Variants in MAP4K4 observed in about 807,000 individuals in gnomAD.
The protein encoded by MAP4K4 is mitogen-activated protein kinase kinase kinase kinase 4, also known as HPK/GCK-like kinase HGK.
In MAP4K4, 38 loss-of-function variants were observed where a neutral mutation model predicts 189.6. The ratio of observed to expected loss-of-function variants is 0.20; its 90% CI spans 0.15 to 0.26. MAP4K4 has a LOEUF of 0.26. MAP4K4 is among the 10% of genes least tolerant of loss of function. The pLI is 1.00. For missense variants in MAP4K4, 1,054 were observed against 1,726.9 expected (o/e 0.61, Z 6.91); for synonymous variants, 610 against 624.3 (o/e 0.98, Z 0.34).
At chr2:101,886,973 C>T (rs1053009579) in intron 29 of MAP4K4, 115 bp from the exon 30 acceptor site, 40 of 703,682 alleles carry the variant, frequency 5.7e-5, no homozygotes, top group Middle Eastern at 4.2e-4. Context: ...TGCAGTGAGC[C>T]GAGATGGCGC....
At chr2:101,727,219 T>C (rs1238916971) in intron 2 of MAP4K4, among the ~76,000 whole-genome samples, 1 of 152,204 alleles carries the variant, frequency 6.6e-6, no homozygotes, top group East Asian at 1.9e-4. Flanking sequence ...TTTTCTAACA[T>C]GTTTGGATGG....
intron 3 of MAP4K4, among the ~76,000 whole-genome samples, chr2:101,805,483 A>G (rs143866991): frequency 6.6e-6 from 1 of 152,206 alleles, no homozygotes; most frequent in South Asian, 2.1e-4. Flanking sequence ...GTGTCCCACT[A>G]ACATCCAAGT....
chr2:101,732,028 G>A (rs1211606282), intron 2 of MAP4K4, among the ~76,000 whole-genome samples: 2 of 152,100 alleles, frequency 1.3e-5, no homozygotes, highest in African/African-American at 4.8e-5. Context: ...TTCAGAATTG[G>A]GGAGGTGAAG....
At chr2:101,871,119 G>A (rs1270700894) in intron 23 of MAP4K4, among the ~76,000 whole-genome samples, 2 of 152,092 alleles carry the variant, frequency 1.3e-5, no homozygotes, top group Non-Finnish European at 2.9e-5. Flanking sequence ...GCATTCGGAT[G>A]GAAAGTAGGA....
chr2:101,894,012 A>AT (rs2098599218), exon 33 of MAP4K4: 1 of 152,148 alleles, frequency 6.6e-6, no homozygotes, highest in Non-Finnish European at 1.5e-5. Context: ...TGTCAACCAG[A>AT]TTGAGTTGCT....
chr2:101,874,265 C>T lies in MAP4K4; in HGVS notation c.3241+13C>T. ...GCTGCCTTATGGGGTAGGTGTCTAG[C>T]CACTACTCCAACACTTTCATTTTTG... On this transcript the variant is annotated intron_variant, in intron 26 of 32. Coordinates refer to ENST00000324219, the Ensembl canonical transcript of MAP4K4. 6.3e-7 allele frequency: 1 copy of T among 1,597,674 alleles called. No individual in the cohort carries two copies. The highest frequency in any genetic ancestry group is 8.5e-7 in the Non-Finnish European group (1 of 1,171,084).
chr2:101,863,825 A>G (rs1370805505), exon 17 of MAP4K4: 9 of 1,367,022 alleles, frequency 6.6e-6, no homozygotes, highest in African/African-American at 3.0e-5. Flanking sequence ...TGTAAGGTAC[A>G]GTGGTCCCAC....
intron 26 of MAP4K4, 86 bp from the exon 27 acceptor site, chr2:101,876,917 A>G (rs889374300): frequency 5.8e-6 from 8 of 1,384,154 alleles, no homozygotes; most frequent in Non-Finnish European, 7.0e-6. Flanking sequence ...ACTTTTTTCC[A>G]AATAGATGAT....
chr2:101,700,735 T>G (rs904949839), intron 2 of MAP4K4, among the ~76,000 whole-genome samples: 1 of 152,120 alleles, frequency 6.6e-6, no homozygotes, highest in Admixed American at 6.6e-5. Flanking sequence ...ATGTCATATA[T>G]TCACTATTAA....
chr2:101,817,782 G>GCGTT (rs1244770568), intron 3 of MAP4K4, among the ~76,000 whole-genome samples: 1 of 152,212 alleles, frequency 6.6e-6, no homozygotes, highest in Non-Finnish European at 1.5e-5. Flanking sequence ...GAAAGAGGAT[G>GCGTT]CGTTGCGTTT....
At chr2:101,843,354 A>G (rs2096978683) in intron 11 of MAP4K4, among the ~76,000 whole-genome samples, 1 of 152,182 alleles carries the variant, frequency 6.6e-6, no homozygotes, top group Admixed American at 6.5e-5. Flanking sequence ...CAGAGAGAAG[A>G]GAATTTATTG....
At chr2:101,728,095 C>T (rs2056549919) in intron 2 of MAP4K4, among the ~76,000 whole-genome samples, 1 of 152,218 alleles carries the variant, frequency 6.6e-6, no homozygotes, top group Admixed American at 6.5e-5. Flanking sequence ...ACCCAGGTTA[C>T]CTCTTTAAGT....
At chr2:101,767,367 A>AT (rs1040595924) in intron 2 of MAP4K4, among the ~76,000 whole-genome samples, 2 of 151,608 alleles carry the variant, frequency 1.3e-5, no homozygotes, top group Admixed American at 6.6e-5. Flanking sequence ...TTTTATTAGA[A>AT]TTTTTTTTTA....
chr2:101,724,120 A>G (rs2053864025), intron 2 of MAP4K4, among the ~76,000 whole-genome samples: 2 of 151,982 alleles, frequency 1.3e-5, no homozygotes, highest in Non-Finnish European at 2.9e-5. Context: ...ATACTTATGG[A>G]TGTGCTTTAG....
At chr2:101,809,209 A>G (rs559151470) in intron 3 of MAP4K4, among the ~76,000 whole-genome samples, 3 of 152,264 alleles carry the variant, frequency 2.0e-5, no homozygotes, top group South Asian at 2.1e-4. Context: ...TAGCGCGTAT[A>G]TATGTTATTT....
Position 101,698,131 on chromosome 2 carries a change from C to A in MAP4K4, c.51C>A (p.Ser17=), listed in dbSNP as rs375219171. ...GTCTGGTGGACATCGACCTCTCCTC[C>A]CTGCGGGTGAGTGGGCCCGCGAGCG... is the stretch of plus-strand genomic sequence containing the variant. The change falls in exon 1 of 33, where the codon TCC becomes TCA. Residue 17 remains serine (S), a synonymous_variant. Transcript: ENST00000324219. 1.0e-4 allele frequency: 127 copies of A among 1,242,012 alleles called. No homozygotes were observed. The African/African-American group carries it at 1.9e-3, about 19-fold the overall frequency. 76.9% of individuals were successfully genotyped at this position (1,242,012 alleles called of 1,614,324 possible).
chr2:101,871,054 G>A (rs1290981251), intron 23 of MAP4K4, among the ~76,000 whole-genome samples: 1 of 152,076 alleles, frequency 6.6e-6, no homozygotes, highest in African/African-American at 2.4e-5. Context: ...AATAGAACAG[G>A]GCACCTATTT....
At chr2:101,845,418 A>G (rs1378615226) in intron 12 of MAP4K4, among the ~76,000 whole-genome samples, 1 of 152,172 alleles carries the variant, frequency 6.6e-6, no homozygotes, top group Non-Finnish European at 1.5e-5. Context: ...TGACGGGGAT[A>G]CATTCTGAGA....
At chr2:101,786,285 T>G (rs974267095) in intron 2 of MAP4K4, among the ~76,000 whole-genome samples, 2 of 152,044 alleles carry the variant, frequency 1.3e-5, no homozygotes, top group African/African-American at 4.8e-5. Flanking sequence ...TTTTCTAGTG[T>G]GATGGTTTTT....
Sources: allele counts gnomAD v4.1 joint callset (sites outside exome capture counted in the v4.1 genomes callset), GRCh38; gene constraint gnomAD v4.1.1; transcripts MANE v1.5; gene names NCBI Gene and HGNC (gene_info 2026-07-23, HGNC 2026-07-21).